ANKRD22: variants seen among roughly 807,000 people sequenced by gnomAD.
ANKRD22 encodes ankyrin repeat domain-containing protein 22.
A neutral mutation model predicts 25.7 loss-of-function variants in ANKRD22; 24 were observed. The ratio of observed to expected loss-of-function variants is 0.93; its 90% CI spans 0.68 to 1.31. The LOEUF is 1.31. Among genes scored for constraint, ANKRD22 ranks in the 50% most tolerant of loss-of-function variants. The pLI, the probability that ANKRD22 is intolerant of heterozygous loss-of-function variation, is 0.00. For missense variants in ANKRD22, 214 were observed against 227.1 expected (o/e 0.94, Z 0.37); for synonymous variants, 84 against 84.3 (o/e 1.00, Z 0.02).
Position 88,822,544 on chromosome 10 carries a change from C to CTGCTTTTTTTTTTT in ANKRD22, c.*396_*397insAAAAAAAAAAAGCA, listed in dbSNP as rs1554832256. 2 of 36,444 alleles carry CTGCTTTTTTTTTTT rather than the reference C, an allele frequency of 5.5e-5. No homozygotes were observed. The highest frequency in any genetic ancestry group is 8.0e-5 in the African/African-American group (1 of 12,524). 2.3% of individuals were successfully genotyped at this position (36,444 alleles called of 1,614,324 possible). ...AAAGACTGAGTTTGGAACACCAGGG[C>CTGCTTTTTTTTTTT]TTTTTTTTTTTTTTTTTTTTTTGAG... On this transcript the variant is annotated 3_prime_UTR_variant, in exon 6 of 6. Transcript: ENST00000371930.
Position 88,822,549 on chromosome 10 carries a change from T to TGC in ANKRD22, c.*391_*392insGC. 2 of 99,210 alleles carry TGC rather than the reference T, an allele frequency of 2.0e-5. 1 individual carries two copies. Among genetic ancestry groups the TGC allele is most frequent in the Non-Finnish European group, 3.7e-5 (2 of 53,362 alleles). The allele number at this position is 99,210 out of a possible 1,614,324, so 6.1% of individuals were successfully genotyped here. A position where few individuals can be genotyped will look rare whatever the true frequency, so the allele number is the denominator to read the frequency against. Reference sequence around the variant, plus strand: ...CTGAGTTTGGAACACCAGGGCTTTTTTTTTTTTTTTTTTTTTTGAGACAGG... The same window carrying TGC: ...CTGAGTTTGGAACACCAGGGCTTTTTGCTTTTTTTTTTTTTTTTTGAGACAGG... On this transcript the variant is annotated 3_prime_UTR_variant, in exon 6 of 6. Transcript: ENST00000371930.
chr10:88,846,519 CT>C (rs1235583399), intron 1 of ANKRD22, among the ~76,000 whole-genome samples: 1 of 152,142 alleles, frequency 6.6e-6, no homozygotes, highest in Admixed American at 6.6e-5. Context: ...ATCTTGCAGC[CT>C]TCATCCAGTC....
chr10:88,835,836 A>C (rs980991884), intron 1 of ANKRD22, among the ~76,000 whole-genome samples: 10 of 152,294 alleles, frequency 6.6e-5, no homozygotes, highest in Admixed American at 6.5e-4. Flanking sequence ...AAGCACTGAC[A>C]GCGGGCAGAA....
chr10:88,820,422 G>A lies in ANKRD22; in HGVS notation c.*2519C>T, dbSNP rs1183396980. On this transcript the variant is annotated 3_prime_UTR_variant, in exon 6 of 6. Coordinates refer to ENST00000371930, the MANE Select transcript of ANKRD22 (RefSeq NM_144590.3). ...ATCTGGGGTTTGGATGCTCCTCACCGTATGTACAATGAAATCATCCATCTG... is the reference window on the plus strand; with the variant it reads ...ATCTGGGGTTTGGATGCTCCTCACCATATGTACAATGAAATCATCCATCTG... The A allele has an allele frequency of 2.1e-5, 33 of 1,551,914 alleles. No individual in the cohort carries two copies. The highest frequency in any genetic ancestry group is 5.9e-5 in the Admixed American group (3 of 50,978).
At chr10:88,831,424 G>A (rs1434698785) in intron 2 of ANKRD22, among the ~76,000 whole-genome samples, 1 of 152,134 alleles carries the variant, frequency 6.6e-6, no homozygotes, top group Admixed American at 6.5e-5. Context: ...CTGGAGATCA[G>A]GACATTAATA....
At chr10:88,840,422 C>A (rs185659946) in intron 1 of ANKRD22, among the ~76,000 whole-genome samples, 1 of 152,096 alleles carries the variant, frequency 6.6e-6, no homozygotes, top group Non-Finnish European at 1.5e-5. Flanking sequence ...CAACTTGTAC[C>A]ACTATGGATG....
chr10:88,828,145 C>T (rs530082929), intron 3 of ANKRD22, among the ~76,000 whole-genome samples: 5 of 152,254 alleles, frequency 3.3e-5, no homozygotes, highest in African/African-American at 1.2e-4. Context: ...CTTTTAGGAT[C>T]TGTTTTTCAA....
intron 1 of ANKRD22, among the ~76,000 whole-genome samples, chr10:88,848,917 T>C (rs1844078078): frequency 6.6e-6 from 1 of 152,196 alleles, no homozygotes; most frequent in Admixed American, 6.6e-5. Flanking sequence ...TTTTGAACTA[T>C]ATTTCCTTTT....
chr10:88,842,505 A>G (rs1451850778), intron 1 of ANKRD22, among the ~76,000 whole-genome samples: 1 of 152,158 alleles, frequency 6.6e-6, no homozygotes, highest in Admixed American at 6.6e-5. Context: ...TATTTTCTTC[A>G]ATTCAATTCA....
At chr10:88,823,846 ATT>A (rs1843827392) in intron 4 of ANKRD22, among the ~76,000 whole-genome samples, 6 of 149,688 alleles carry the variant, frequency 4.0e-5, no homozygotes, top group African/African-American at 1.5e-4. Context: ...AAAAAAAAAA[ATT>A]TCTTCTCTGT....
intron 4 of ANKRD22, among the ~76,000 whole-genome samples, chr10:88,824,496 C>A (rs1392488288): frequency 1.3e-5 from 2 of 152,140 alleles, no homozygotes; most frequent in Non-Finnish European, 2.9e-5. Context: ...GAAATAGAGT[C>A]TAATTATCCA....
At chr10:88,827,092 C>T (rs1238449) in intron 3 of ANKRD22, among the ~76,000 whole-genome samples, 63,056 of 152,022 alleles carry the variant, frequency 0.41, 14,308 homozygotes, top group Middle Eastern at 0.5. Flanking sequence ...AAAGCTCTCC[C>T]TGCTCAGCTG....
chr10:88,822,544 C>CTGCTTTTTTTTTTTTTTTTTTTTTTTTT lies in ANKRD22; in HGVS notation c.*396_*397insAAAAAAAAAAAAAAAAAAAAAAAAAGCA, dbSNP rs1554832256. On this transcript the variant is annotated 3_prime_UTR_variant, in exon 6 of 6. Transcript: ENST00000371930. ...AAAGACTGAGTTTGGAACACCAGGG[C>CTGCTTTTTTTTTTTTTTTTTTTTTTTTT]TTTTTTTTTTTTTTTTTTTTTTGAG... The CTGCTTTTTTTTTTTTTTTTTTTTTTTTT allele has an allele frequency of 6.0e-4, 22 of 36,444 alleles. 1 individual carries two copies. Among genetic ancestry groups the CTGCTTTTTTTTTTTTTTTTTTTTTTTTT allele is most frequent in the Non-Finnish European group, 1.1e-3 (19 of 17,014 alleles). The allele number at this position is 36,444 out of a possible 1,614,324, so 2.3% of individuals were successfully genotyped here.
At chr10:88,832,562 A>C (rs1843916217) in intron 1 of ANKRD22, among the ~76,000 whole-genome samples, 1 of 152,082 alleles carries the variant, frequency 6.6e-6, no homozygotes, top group Non-Finnish European at 1.5e-5. Context: ...TCTTTACTAA[A>C]GATAAAATAG....
intron 2 of ANKRD22, 53 bp downstream of exon 2, chr10:88,831,782 G>C: frequency 2.0e-6 from 3 of 1,485,554 alleles, no homozygotes; most frequent in Non-Finnish European, 2.7e-6. Context: ...GTGATTCAAA[G>C]AGAAAAGAAT....
chr10:88,832,269 G>T (rs1843911739), intron 1 of ANKRD22, among the ~76,000 whole-genome samples: 1 of 151,996 alleles, frequency 6.6e-6, no homozygotes, highest in Non-Finnish European at 1.5e-5. Flanking sequence ...TCCATCAAAT[G>T]GATGAATAAA....
At chr10:88,837,202 C>G (rs1236140353) in intron 1 of ANKRD22, among the ~76,000 whole-genome samples, 1 of 152,194 alleles carries the variant, frequency 6.6e-6, no homozygotes, top group African/African-American at 2.4e-5. Flanking sequence ...GTTATTTGGA[C>G]AAGTTACCTA....
chr10:88,847,469 G>A (rs1167885151), intron 1 of ANKRD22, among the ~76,000 whole-genome samples: 3 of 152,034 alleles, frequency 2.0e-5, no homozygotes, highest in Non-Finnish European at 4.4e-5. Flanking sequence ...TTGTTGGCCA[G>A]GCTGGTCTCA....
chr10:88,832,179 C>T (rs545250863), intron 1 of ANKRD22, among the ~76,000 whole-genome samples, 153 bp from the exon 2 acceptor site: 30 of 152,072 alleles, frequency 2.0e-4, no homozygotes, highest in South Asian at 1.9e-3. Flanking sequence ...CTCAGTTATG[C>T]CTAGCTTTAA....
Sources: gnomAD v4.1 joint callset for allele counts (sites outside exome capture counted in the v4.1 genomes callset) on GRCh38, gnomAD v4.1.1 for gene constraint, MANE v1.5 for transcripts, NCBI Gene and HGNC (gene_info 2026-07-23, HGNC 2026-07-21) for gene names.